The following TSGA10IP variants were observed in gnomAD, a reference collection of about 807,000 sequenced individuals.
The protein encoded by TSGA10IP is testis specific 10 interacting protein.
Under a neutral mutation model 63.2 loss-of-function variants are expected in TSGA10IP, and 64 were observed. The observed-to-expected ratio is 1.01, with a 90% CI of 0.83 to 1.25. TSGA10IP has a LOEUF of 1.25. Ranked by LOEUF, TSGA10IP falls within the 50% of genes most tolerant of loss-of-function variation. The probability of loss-of-function intolerance (pLI) is 0.00; values close to 1 mark genes in which losing one functional copy is unlikely to be tolerated. For missense variants in TSGA10IP, 681 were observed against 710.1 expected, an observed-to-expected ratio of 0.96 and a Z score of 0.47; for synonymous variants, 316 against 298.3, an observed-to-expected ratio of 1.06 and a Z score of -0.61.
At chr11:65,953,590 G>T (rs376940838) in exon 5 of TSGA10IP, 2 of 1,589,474 alleles carry the variant, frequency 1.3e-6, no homozygotes, top group Middle Eastern at 1.7e-4. Flanking sequence ...GCCTGGGAGC[G>T]GCAGCGGCAG....
At chr11:65,954,478 C>T (rs1166577358) in intron 5 of TSGA10IP, among the ~76,000 whole-genome samples, 1 of 151,906 alleles carries the variant, frequency 6.6e-6, no homozygotes, top group Admixed American at 6.6e-5. Context: ...CTGGCCGTGA[C>T]CATTTTCCTA....
intron 4 of TSGA10IP, among the ~76,000 whole-genome samples, chr11:65,950,560 A>ATT (rs35025045): frequency 1.1e-4 from 15 of 142,096 alleles, no homozygotes; most frequent in Middle Eastern, 3.6e-3. Flanking sequence ...TGCCTGGCTA[A>ATT]TTTTTTTTTT....
At chr11:65,948,388 G>C (rs1429352441) in intron 4 of TSGA10IP, among the ~76,000 whole-genome samples, 1 of 151,692 alleles carries the variant, frequency 6.6e-6, no homozygotes, top group Non-Finnish European at 1.5e-5. Context: ...TCAATACCTG[G>C]CCAATTATCT....
exon 1 of TSGA10IP, chr11:65,945,587 T>C (rs1244762001): frequency 1.2e-5 from 17 of 1,477,600 alleles, no homozygotes; most frequent in Non-Finnish European, 1.6e-5. Context: ...GCATGCTTTT[T>C]GCCAGACCCA....
exon 5 of TSGA10IP, chr11:65,953,668 G>A (rs760387529): frequency 1.9e-6 from 3 of 1,591,416 alleles, no homozygotes; most frequent in Non-Finnish European, 2.6e-6. Context: ...GTGGCCCACT[G>A]CCTGGCAGCC....
chr11:65,948,382 T>C (rs547132532), intron 4 of TSGA10IP, among the ~76,000 whole-genome samples: 1 of 152,294 alleles, frequency 6.6e-6, no homozygotes, highest in East Asian at 1.9e-4. Flanking sequence ...TCTCTCTCAA[T>C]ACCTGGCCAA....
chr11:65,953,473 C>A, intron 4 of TSGA10IP, 94 bp from the exon 5 acceptor site: 7 of 1,450,462 alleles, frequency 4.8e-6, no homozygotes, highest in Admixed American at 4.9e-5. Context: ...AGCCCCTCCC[C>A]ACAGGCTTCC....
In TSGA10IP at chr11:65,948,155, G is replaced by A. The variant is rs756931026; in HGVS notation, c.1151+7G>A. On this transcript the variant is annotated splice_region_variant and intron_variant, in intron 4 of 7. Transcript: ENST00000532620. ...AACGACAGGAAGCCACCAGGTAAGA[G>A]GGAAGAGAAGGGAGTGGGAGCCCAG... is the stretch of plus-strand genomic sequence containing the variant. The A allele has an allele frequency of 1.3e-6, 2 of 1,599,594 alleles. No individual in the cohort carries two copies. The highest frequency in any genetic ancestry group is 1.3e-5 in the African/African-American group (1 of 74,582).
At chr11:65,947,285 C>A (rs1356965226) in exon 3 of TSGA10IP, 1 of 1,612,446 alleles carries the variant, frequency 6.2e-7, no homozygotes, top group Non-Finnish European at 8.5e-7. Context: ...CACGGCCAAC[C>A]TCCCAGAGGC....
chr11:65,957,910 T>C (rs1359841424), intron 5 of TSGA10IP, among the ~76,000 whole-genome samples: 1 of 152,222 alleles, frequency 6.6e-6, no homozygotes, highest in East Asian at 1.9e-4. Flanking sequence ...GTGGCAGTGA[T>C]ACTCAAGTTT....
intron 1 of TSGA10IP, 132 bp downstream of exon 1, chr11:65,945,954 T>C: frequency 1.7e-6 from 2 of 1,150,614 alleles, no homozygotes; most frequent in East Asian, 2.4e-5. Context: ...GAGGCAGGAG[T>C]GGGACAGGGA....
At position 65,951,518 on chromosome 11, in the gene TSGA10IP, T is replaced by TTTTTTATTATTA. The variant is rs56793895; in HGVS notation, c.1152-2047_1152-2046insTTTATTATTATT. 2.5e-3 allele frequency among the ~76,000 whole-genome samples: 350 copies of TTTTTTATTATTA among 139,108 alleles called. 8 individuals are homozygous for TTTTTTATTATTA. In the East Asian group the frequency reaches 0.042, roughly 17 times the overall value. 91.3% of individuals were successfully genotyped at this position (139,108 alleles called of 152,430 possible). ...ATGTCTATTTGGGTTATTTGCTTAT[T>TTTTTTATTATTA]TTATTATTATTATTATTATTATTAT... On this transcript the variant is annotated intron_variant, in intron 4 of 7. Coordinates refer to ENST00000532620, the Ensembl canonical transcript of TSGA10IP.
chr11:65,948,970 G>T (rs1197768083), intron 4 of TSGA10IP, among the ~76,000 whole-genome samples: 1 of 151,754 alleles, frequency 6.6e-6, no homozygotes, highest in African/African-American at 2.4e-5. Context: ...GTGAGACTCT[G>T]TCTCAAACGA....
chr11:65,947,713 C>T (rs896227811), exon 3 of TSGA10IP: 1 of 1,596,426 alleles, frequency 6.3e-7, no homozygotes, highest in Non-Finnish European at 8.5e-7. Context: ...AGGGGAGCAG[C>T]CCCAGCTTCA....
intron 4 of TSGA10IP, 69 bp downstream of exon 4, chr11:65,948,217 T>C (rs1315841028): frequency 1.3e-6 from 2 of 1,498,648 alleles, no homozygotes; most frequent in African/African-American, 2.8e-5. Context: ...CTCCAAGAGA[T>C]GCTTAGGCAT....
intron 6 of TSGA10IP, 101 bp downstream of exon 6, chr11:65,959,083 C>G: frequency 6.4e-7 from 1 of 1,562,400 alleles, no homozygotes; most frequent in Non-Finnish European, 8.7e-7. Flanking sequence ...GATAGGATCC[C>G]AGGGCTGCTG....
chr11:65,947,421 A>G, exon 3 of TSGA10IP: 9 of 1,613,566 alleles, frequency 5.6e-6, no homozygotes, highest in Non-Finnish European at 7.6e-6. Flanking sequence ...AGTGGTCTCC[A>G]GCTGCCTGGG....
chr11:65,948,261 C>A, intron 4 of TSGA10IP, 113 bp downstream of exon 4: 1 of 1,346,632 alleles, frequency 7.4e-7, no homozygotes, highest in Non-Finnish European at 9.9e-7. Context: ...TTTATCCATT[C>A]ACCAAACTTT....
intron 1 of TSGA10IP, among the ~76,000 whole-genome samples, chr11:65,946,398 T>C (rs945514705): frequency 2.0e-5 from 3 of 152,130 alleles, no homozygotes; most frequent in Admixed American, 2.0e-4. Context: ...TATTTTAATA[T>C]GCAGAACGGA....
Sources: allele counts gnomAD v4.1 joint callset (sites outside exome capture counted in the v4.1 genomes callset), GRCh38; gene constraint gnomAD v4.1.1; transcripts MANE v1.5; gene names NCBI Gene and HGNC (gene_info 2026-07-23, HGNC 2026-07-21).